DNM3: variants seen among roughly 807,000 people sequenced by gnomAD.
The protein encoded by DNM3 is dynamin 3.
Under a neutral mutation model 101.6 loss-of-function variants are expected in DNM3, and 47 were observed. The ratio of observed to expected loss-of-function variants is 0.46; its 90% CI spans 0.37 to 0.59. The LOEUF is 0.59. DNM3 is among the 20% of genes least tolerant of loss of function. DNM3 has a pLI of 0.00. For missense variants in DNM3, 849 were observed against 1,085.7 expected, an observed-to-expected ratio of 0.78 and a Z score of 3.06; for synonymous variants, 385 against 387.9, an observed-to-expected ratio of 0.99 and a Z score of 0.09.
At chr1:172,059,038 A>G (rs2050909496) in intron 10 of DNM3, among the ~76,000 whole-genome samples, 1 of 152,162 alleles carries the variant, frequency 6.6e-6, no homozygotes, top group South Asian at 2.1e-4. Flanking sequence ...ACAGAAATAA[A>G]AACTACCATC....
At position 172,004,600 on chromosome 1, in the gene DNM3, C is replaced by T. The variant is rs554473201; in HGVS notation, c.589+15452C>T. Among the ~76,000 whole-genome samples, 15 of 152,016 alleles carry T rather than the reference C, an allele frequency of 9.9e-5. No individual in the cohort carries two copies. In the South Asian group the frequency reaches 3.1e-3, roughly 32 times the overall value. On this transcript the variant is annotated intron_variant, in intron 4 of 20. Coordinates refer to ENST00000627582, the MANE Select transcript of DNM3 (RefSeq NM_015569.5). Reference sequence around the variant, plus strand: ...ACAAGGGGGAATAGAAGCTGCTTTACCCAGACGATGTCAGGTTCCAAAGCA... The same window carrying T: ...ACAAGGGGGAATAGAAGCTGCTTTATCCAGACGATGTCAGGTTCCAAAGCA...
In DNM3 at chr1:172,411,014, T is replaced by C. The variant is rs534860706; in HGVS notation, c.*3173T>C. 1.0e-6 allele frequency: 1 copy of C among 985,130 alleles called. No individual in the cohort carries two copies. The highest frequency in any genetic ancestry group is 4.7e-5 in the South Asian group (1 of 21,292). The allele number at this position is 985,130 out of a possible 1,614,324, so 61.0% of individuals were successfully genotyped here. On this transcript the variant is annotated 3_prime_UTR_variant, in exon 21 of 21. Transcript: ENST00000627582. ...TATGTGTATTTTATGTCCATTTGAG[T>C]AGGTAGGTAGGTTTTAAAAATACTA...
In DNM3 at chr1:172,243,489, G is replaced by T. The variant is rs138480240; in HGVS notation, c.1660-10084G>T. Among the ~76,000 whole-genome samples the T allele has an allele frequency of 2.0e-3, 299 of 152,282 alleles. 3 individuals carry two copies. The highest frequency in any genetic ancestry group is 6.4e-3 in the African/African-American group (264 of 41,566). The stretch of plus-strand genomic sequence containing the variant: ...GACTCTGAAGAGGAGGTAGGAACCA[G>T]GAAGAGAGCAGGATCTCCAGCTGGG... On this transcript the variant is annotated intron_variant, in intron 14 of 20. Coordinates refer to ENST00000627582, the MANE Select transcript of DNM3 (RefSeq NM_015569.5).
chr1:171,969,010 G>A (rs1261421488), intron 2 of DNM3, among the ~76,000 whole-genome samples: 1 of 152,090 alleles, frequency 6.6e-6, no homozygotes, highest in Admixed American at 6.6e-5. Flanking sequence ...TTATTTCTTA[G>A]AAAAGCTATA....
chr1:171,971,234 T>C (rs2125546650), intron 2 of DNM3, among the ~76,000 whole-genome samples: 1 of 152,200 alleles, frequency 6.6e-6, no homozygotes. Flanking sequence ...TGTTAATCAC[T>C]TGTTTATAGT....
At chr1:172,047,646 T>C (rs560078134) in intron 9 of DNM3, among the ~76,000 whole-genome samples, 3 of 152,298 alleles carry the variant, frequency 2.0e-5, no homozygotes, top group African/African-American at 7.2e-5. Flanking sequence ...CATTATAATG[T>C]AGTATGATTA....
At chr1:172,170,971 A>T (rs544629686) in intron 14 of DNM3, among the ~76,000 whole-genome samples, 19 of 151,918 alleles carry the variant, frequency 1.3e-4, no homozygotes, top group African/African-American at 4.6e-4. Context: ...AGAAATAGTG[A>T]CGTTATTTTT....
intron 17 of DNM3, among the ~76,000 whole-genome samples, chr1:172,352,296 A>C (rs1447999878): frequency 1.3e-5 from 2 of 152,232 alleles, no homozygotes; most frequent in African/African-American, 4.8e-5. Context: ...AGGCTAAAAA[A>C]GTCATTTCAA....
intron 17 of DNM3, among the ~76,000 whole-genome samples, chr1:172,352,883 C>T (rs1296162306): frequency 2.6e-5 from 4 of 152,120 alleles, no homozygotes; most frequent in Admixed American, 6.5e-5. Flanking sequence ...AAATTAAGAG[C>T]AAAACAAATG....
chr1:172,306,602 A>C (rs1185754404), intron 15 of DNM3, among the ~76,000 whole-genome samples: 1 of 152,212 alleles, frequency 6.6e-6, no homozygotes, highest in Non-Finnish European at 1.5e-5. Context: ...ACAAAGCTGG[A>C]GGCATCACAC....
chr1:172,253,174 C>A (rs1289476504), intron 14 of DNM3, among the ~76,000 whole-genome samples: 1 of 152,044 alleles, frequency 6.6e-6, no homozygotes, highest in South Asian at 2.1e-4. Flanking sequence ...TAAATATTAA[C>A]AGATGGCTAA....
chr1:172,410,591 T>G lies in DNM3; in HGVS notation c.*2750T>G. The G allele has an allele frequency of 1.0e-6, 1 of 984,984 alleles. No homozygotes were observed. Among genetic ancestry groups the G allele is most frequent in the Non-Finnish European group, 1.2e-6 (1 of 829,502 alleles). The allele number at this position is 984,984 out of a possible 1,614,324, so 61.0% of individuals were successfully genotyped here. A position where few individuals can be genotyped will look rare whatever the true frequency, so the allele number is the denominator to read the frequency against. Reference sequence around the variant, plus strand: ...TATGGACAGCTTATTGAAATAGTATTGATTTAGAAAAAGTATATTGCATTT... The same window carrying G: ...TATGGACAGCTTATTGAAATAGTATGGATTTAGAAAAAGTATATTGCATTT... On this transcript the variant is annotated 3_prime_UTR_variant, in exon 21 of 21. Coordinates refer to ENST00000627582, the MANE Select transcript of DNM3 (RefSeq NM_015569.5).
chr1:172,388,477 A>T, intron 19 of DNM3, 96 bp from the exon 20 acceptor site: 1 of 1,094,658 alleles, frequency 9.1e-7, no homozygotes, highest in Non-Finnish European at 1.3e-6. Flanking sequence ...CAGTCAAAAA[A>T]TAATTTTTAA....
chr1:171,858,204 G>A (rs926670566), intron 1 of DNM3, among the ~76,000 whole-genome samples: 6 of 152,148 alleles, frequency 3.9e-5, no homozygotes, highest in African/African-American at 9.7e-5. Context: ...CTGAGAGTGA[G>A]GATCATGTGT....
At chr1:172,376,062 G>C (rs2068585518) in intron 17 of DNM3, 1 of 152,004 alleles carries the variant, frequency 6.6e-6, no homozygotes, top group Non-Finnish European at 1.5e-5. Flanking sequence ...ATAACAGCCT[G>C]TTTCTTAAAT....
At chr1:172,377,944 A>G (rs995417179) in intron 17 of DNM3, among the ~76,000 whole-genome samples, 5 of 152,020 alleles carry the variant, frequency 3.3e-5, no homozygotes, top group East Asian at 1.9e-4. Flanking sequence ...ATCATTTAAT[A>G]TCCAGTAAAG....
intron 16 of DNM3, chr1:172,310,499 C>T (rs1396280894): frequency 6.6e-6 from 1 of 152,144 alleles, no homozygotes; most frequent in Non-Finnish European, 1.5e-5. Flanking sequence ...AAGGGACAGA[C>T]AGTGAGAGTA....
intron 9 of DNM3, among the ~76,000 whole-genome samples, chr1:172,047,814 G>C (rs893236452): frequency 6.6e-6 from 1 of 152,110 alleles, no homozygotes; most frequent in African/African-American, 2.4e-5. Flanking sequence ...AGAATAGGTG[G>C]GGAGGGGAGA....
intron 16 of DNM3, among the ~76,000 whole-genome samples, chr1:172,320,576 A>G (rs567086624): frequency 1.3e-5 from 2 of 152,174 alleles, no homozygotes; most frequent in African/African-American, 4.8e-5. Context: ...AGGGAGTTGA[A>G]CAATAATATT....
Sources: gnomAD v4.1 joint callset for allele counts (sites outside exome capture counted in the v4.1 genomes callset) on GRCh38, gnomAD v4.1.1 for gene constraint, MANE v1.5 for transcripts, NCBI Gene and HGNC (gene_info 2026-07-23, HGNC 2026-07-21) for gene names.